The following IL17F variants were observed in gnomAD, a reference collection of about 807,000 sequenced individuals.
The protein encoded by IL17F is interleukin 17F, also known as interleukin-17F.
Under a neutral mutation model 8.3 loss-of-function variants are expected in IL17F, and 6 were observed. That is an observed-to-expected ratio of 0.73 (90% CI 0.40 to 1.43). The LOEUF is 1.43. Ranked by LOEUF, IL17F falls within the 40% of genes most tolerant of loss-of-function variation. The pLI, the probability that IL17F is intolerant of heterozygous loss-of-function variation, is 0.02. For synonymous variants in IL17F, 98 were observed against 81.6 expected, an observed-to-expected ratio of 1.20 and a Z score of -1.08; for missense variants, 204 against 209.6, an observed-to-expected ratio of 0.97 and a Z score of 0.17.
At chr6:52,240,759 G>A (rs12203582) in intron 1 of IL17F, among the ~76,000 whole-genome samples, 48,994 of 151,692 alleles carry the variant, frequency 0.32, 9,195 homozygotes, top group Non-Finnish European at 0.43. Flanking sequence ...CCCCACAATC[G>A]TTCATTCATT....
chr6:52,236,838 G>T lies in IL17F; in HGVS notation c.*93C>A. On this transcript the variant is annotated 3_prime_UTR_variant, in exon 3 of 3. Coordinates refer to ENST00000336123, the MANE Select transcript of IL17F (RefSeq NM_052872.4). ...GGTCTTATTAAGAGTCCTGTGAAGT[G>T]GAGGGAATTGGGGGTCAGACAGGAC... 1 of 942,734 alleles carries T rather than the reference G, an allele frequency of 1.1e-6. No individual in the cohort carries two copies. Among genetic ancestry groups the T allele is most frequent in the Non-Finnish European group, 1.8e-6 (1 of 569,232 alleles). 58.4% of individuals were successfully genotyped at this position (942,734 alleles called of 1,614,324 possible).
rs137981743 is a variant in IL17F at position 52,237,078 on chromosome 6, G to T, written c.345C>A (p.Asp115Glu). Residue 115 changes from aspartate to glutamate, a missense_variant, in exon 3 of 3, where the codon GAC becomes GAA. Transcript: ENST00000336123. ...GGATGGGAACGGAATTCATGGAGAT[G>T]TCTTCCTTTCCTTGAGCATTGATGC... ...LGCINAQGKE[D>E]ISMNSVPIQQ... The T allele has an allele frequency of 1.4e-5, 22 of 1,614,230 alleles. No homozygotes were observed. Among genetic ancestry groups the T allele is most frequent in the South Asian group, 4.4e-5 (4 of 91,082 alleles).
At chr6:52,241,138 G>A (rs1202480560) in intron 1 of IL17F, among the ~76,000 whole-genome samples, 1 of 152,086 alleles carries the variant, frequency 6.6e-6, no homozygotes. Context: ...GAGTACAGTG[G>A]CACAATCTTG....
At chr6:52,241,204 G>A (rs751838806) in intron 1 of IL17F, among the ~76,000 whole-genome samples, 3 of 151,966 alleles carry the variant, frequency 2.0e-5, no homozygotes, top group East Asian at 3.9e-4. Flanking sequence ...TCAGCCTTCC[G>A]AGTAGCTGGG....
At position 52,236,944 on chromosome 6, in the gene IL17F, T is replaced by C; in HGVS notation, c.479A>G (p.His160Arg). 2.5e-6 allele frequency: 4 copies of C among 1,613,532 alleles called. No homozygotes were observed. The highest frequency in any genetic ancestry group is 3.4e-6 in the Non-Finnish European group (4 of 1,179,410). Residue 160 changes from histidine (H) to arginine (R), a missense_variant, in exon 3 of 3, where the codon CAC (histidine) becomes CGC (arginine). Coordinates refer to ENST00000336123, the MANE Select transcript of IL17F (RefSeq NM_052872.4). ...GATATGCACCTCTTACTGCACATGG[T>C]GGATGACAGGGGTGACGCAGGTGCA... ...VGCTCVTPVIHHVQ is the reference protein window; with the variant it reads ...VGCTCVTPVIRHVQ
In IL17F at chr6:52,244,499, T is replaced by C; in HGVS notation, c.-70A>G. ...TGTATCTTCCTGTGTATGCCTGTGT[T>C]CTATCAATGAGAGTACCTGTTAGTT... is the stretch of plus-strand genomic sequence containing the variant. On this transcript the variant is annotated 5_prime_UTR_variant, in exon 1 of 3. Transcript: ENST00000336123. The C allele has an allele frequency of 7.0e-7, 1 of 1,423,410 alleles. No individual in the cohort carries two copies. Among genetic ancestry groups the C allele is most frequent in the Non-Finnish European group, 9.9e-7 (1 of 1,006,232 alleles). The allele number at this position is 1,423,410 out of a possible 1,614,324, so 88.2% of individuals were successfully genotyped here.
At chr6:52,241,066 G>A (rs763244646) in intron 1 of IL17F, among the ~76,000 whole-genome samples, 2 of 25,882 alleles carry the variant, frequency 7.7e-5, no homozygotes, top group Non-Finnish European at 1.8e-4. Flanking sequence ...CTGCTATGGC[G>A]TTTGTTTGTT....
chr6:52,242,105 A>T (rs1462590563), intron 1 of IL17F, among the ~76,000 whole-genome samples: 3 of 152,236 alleles, frequency 2.0e-5, no homozygotes, highest in Non-Finnish European at 2.9e-5. Context: ...CTTAAGAATG[A>T]TTTAAACAGC....
chr6:52,237,067 T>C lies in IL17F; in HGVS notation c.356A>G (p.Asn119Ser). ...GGTCTCTTGCTGGATGGGAACGGAATTCATGGAGATGTCTTCCTTTCCTTG... is the reference window on the plus strand; with the variant it reads ...GGTCTCTTGCTGGATGGGAACGGAACTCATGGAGATGTCTTCCTTTCCTTG... ...NAQGKEDISM[N>S]SVPIQQETLV... The change falls in exon 3 of 3, where the codon AAT becomes AGT. Residue 119 changes from asparagine (N) to serine (S), a missense_variant. Asn to Ser is a conservative substitution (Grantham distance 46). Transcript: ENST00000336123. 1.2e-6 allele frequency: 2 copies of C among 1,614,210 alleles called. No homozygotes were observed. Among genetic ancestry groups the C allele is most frequent in the Non-Finnish European group, 1.7e-6 (2 of 1,180,028 alleles).
In IL17F at chr6:52,241,968, G is replaced by A. The variant is rs11465550; in HGVS notation, c.33+2429C>T. ...ATAAGTGTTGTAGGTCACATAGCTCGTTATCAGGAAATCAGATGATGTCTG... is the reference window on the plus strand; with the variant it reads ...ATAAGTGTTGTAGGTCACATAGCTCATTATCAGGAAATCAGATGATGTCTG... On this transcript the variant is annotated intron_variant, in intron 1 of 2. Transcript: ENST00000336123. Among the ~76,000 whole-genome samples the A allele has an allele frequency of 5.0e-3, 759 of 152,284 alleles. 5 individuals carry two copies. Among genetic ancestry groups the A allele is most frequent in the Middle Eastern group, 0.017 (5 of 294 alleles).
At chr6:52,244,534 T>A, upstream of IL17F, 3 of 1,107,052 alleles carry the variant, frequency 2.7e-6, no homozygotes, top group Non-Finnish European at 4.2e-6. Flanking sequence ...TTTATAGCAA[T>A]CATTGCCCCT....
upstream of IL17F, chr6:52,244,657 T>A (rs150962548): frequency 1.3e-4 from 74 of 571,932 alleles, no homozygotes; most frequent in Non-Finnish European, 1.8e-4. Context: ...AGGGGGACCC[T>A]AAAGAAAGGG....
At chr6:52,239,338 A>T (rs1038906393) in intron 1 of IL17F, among the ~76,000 whole-genome samples, 21 of 152,252 alleles carry the variant, frequency 1.4e-4, no homozygotes, top group African/African-American at 3.6e-4. Flanking sequence ...AATGTTCTAT[A>T]TAAAACACCT....
intron 1 of IL17F, among the ~76,000 whole-genome samples, chr6:52,239,593 T>C (rs1764034275): frequency 6.6e-6 from 1 of 152,184 alleles, no homozygotes; most frequent in Non-Finnish European, 1.5e-5. Context: ...TATCCTTAAA[T>C]TATAAAGCTT....
At chr6:52,238,614 G>T in intron 2 of IL17F, 116 bp downstream of exon 2, 1 of 956,562 alleles carries the variant, frequency 1.0e-6, no homozygotes, top group Non-Finnish European at 1.6e-6. Context: ...AATTTTCATT[G>T]TTAAGAGGAT....
chr6:52,238,848 T>C lies in IL17F; in HGVS notation c.136A>G (p.Ser46Gly), dbSNP rs1303812954. 1.2e-6 allele frequency: 2 copies of C among 1,614,050 alleles called. No homozygotes were observed. Among genetic ancestry groups the C allele is most frequent in the Middle Eastern group, 1.6e-4 (1 of 6,062 alleles). ...VGHTFFQKPE[S>G]CPPVPGGSMK... ...CTACCTCCTGGCACAGGCGGGCAAC[T>C]CTCAGGCTTTTGGAAAAAAGTATGT... The change falls in exon 2 of 3, where the codon AGT becomes GGT. Residue 46 changes from serine (S) to glycine (G), a missense_variant. Ser to Gly is a moderately conservative substitution (Grantham distance 56, BLOSUM62 0). Transcript: ENST00000336123.
chr6:52,237,576 C>T (rs1763987982), intron 2 of IL17F, among the ~76,000 whole-genome samples: 1 of 151,986 alleles, frequency 6.6e-6, no homozygotes, highest in Non-Finnish European at 1.5e-5. Flanking sequence ...ACTAGTCGGT[C>T]TACAGAGCCT....
intron 1 of IL17F, chr6:52,239,173 T>C (rs1764025185): frequency 3.6e-6 from 2 of 552,276 alleles, no homozygotes; most frequent in South Asian, 2.1e-5. Flanking sequence ...AAGCCCTCCA[T>C]AGTCTAAAAG....
chr6:52,243,609 C>T (rs1764107781), intron 1 of IL17F, among the ~76,000 whole-genome samples: 1 of 152,058 alleles, frequency 6.6e-6, no homozygotes, highest in Non-Finnish European at 1.5e-5. Context: ...GGCCAAGCTC[C>T]CACCATGAGA....
Sources: gnomAD v4.1 joint callset for allele counts (sites outside exome capture counted in the v4.1 genomes callset) on GRCh38, gnomAD v4.1.1 for gene constraint, MANE v1.5 for transcripts, NCBI Gene and HGNC (gene_info 2026-07-23, HGNC 2026-07-21) for gene names.